The following KIFAP3 variants were observed in gnomAD, a reference collection of about 807,000 sequenced individuals.
KIFAP3 encodes kinesin-associated protein 3.
A neutral mutation model predicts 106.5 loss-of-function variants in KIFAP3; 68 were observed. The observed-to-expected ratio is 0.64, with a 90% CI of 0.53 to 0.78. The LOEUF (loss-of-function observed/expected upper bound fraction) is 0.78. Ranked by LOEUF, KIFAP3 falls within the 30% of genes least tolerant of loss-of-function variation. The pLI is 0.00. For synonymous variants in KIFAP3, 320 were observed against 311.5 expected (o/e 1.03, Z -0.29); for missense variants, 780 against 941.8 (o/e 0.83, Z 2.25).
intron 3 of KIFAP3, chr1:170,041,599 T>C (rs896117079): frequency 1.8e-6 from 2 of 1,133,552 alleles, no homozygotes; most frequent in African/African-American, 3.1e-5. Context: ...GGCCCGGAGA[T>C]GAGTCCAAGT....
At chr1:169,923,560 C>T (rs1365523161) in intron 19 of KIFAP3, among the ~76,000 whole-genome samples, 1 of 152,170 alleles carries the variant, frequency 6.6e-6, no homozygotes, top group Admixed American at 6.5e-5. Flanking sequence ...TCTTTTTTAG[C>T]AACTCCTCTG....
At chr1:169,944,082 C>T (rs539175202) in intron 19 of KIFAP3, among the ~76,000 whole-genome samples, 7 of 152,308 alleles carry the variant, frequency 4.6e-5, no homozygotes, top group African/African-American at 1.7e-4. Context: ...TGTTTGCGCC[C>T]GCTGGGCTCG....
At chr1:169,978,648 T>C (rs1666353945) in intron 15 of KIFAP3, among the ~76,000 whole-genome samples, 1 of 152,106 alleles carries the variant, frequency 6.6e-6, no homozygotes, top group Non-Finnish European at 1.5e-5. Flanking sequence ...TAATAAACCT[T>C]TAATATCATA....
intron 11 of KIFAP3, among the ~76,000 whole-genome samples, chr1:169,986,554 A>C (rs945561861): frequency 1.3e-5 from 2 of 152,008 alleles, no homozygotes; most frequent in Non-Finnish European, 1.5e-5. Context: ...AAGTAAAATA[A>C]TCTTAATTTA....
At chr1:169,987,465 C>T (rs541536034) in intron 11 of KIFAP3, among the ~76,000 whole-genome samples, 3 of 152,150 alleles carry the variant, frequency 2.0e-5, no homozygotes, top group East Asian at 1.9e-4. Flanking sequence ...CTCTACCACC[C>T]CCATCCCCTA....
chr1:170,013,887 T>G (rs1668374873), intron 10 of KIFAP3, among the ~76,000 whole-genome samples: 1 of 152,194 alleles, frequency 6.6e-6, no homozygotes, highest in South Asian at 2.1e-4. Flanking sequence ...AAGAAAAGCA[T>G]GCAATTCTCC....
At chr1:169,991,894 C>T (rs1221830763) in intron 11 of KIFAP3, among the ~76,000 whole-genome samples, 6 of 151,640 alleles carry the variant, frequency 4.0e-5, no homozygotes, top group African/African-American at 1.5e-4. Flanking sequence ...ATTACATATA[C>T]CATGTAATCT....
intron 8 of KIFAP3, 126 bp from the exon 9 acceptor site, chr1:170,024,722 T>C: frequency 2.0e-6 from 1 of 505,158 alleles, no homozygotes; most frequent in Non-Finnish European, 3.3e-6. Context: ...TTGAAAATTT[T>C]AACTGGTTAA....
intron 1 of KIFAP3, among the ~76,000 whole-genome samples, chr1:170,063,021 G>A (rs530187198): frequency 2.2e-4 from 33 of 151,848 alleles, no homozygotes; most frequent in East Asian, 9.7e-4. Context: ...TGCCTCTATC[G>A]ACTCTAAAAC....
chr1:170,061,074 G>A (rs980630340), intron 1 of KIFAP3, among the ~76,000 whole-genome samples: 2 of 152,138 alleles, frequency 1.3e-5, no homozygotes, highest in African/African-American at 4.8e-5. Context: ...AGAAAACCTA[G>A]GCAATACCAT....
At chr1:170,042,218 G>A (rs567387499) in intron 3 of KIFAP3, among the ~76,000 whole-genome samples, 3 of 152,166 alleles carry the variant, frequency 2.0e-5, no homozygotes, top group African/African-American at 7.2e-5. Context: ...CCCTTGGATT[G>A]TATCTTGCAA....
intron 1 of KIFAP3, chr1:170,068,098 CTTT>C (rs1364428515): frequency 6.6e-6 from 1 of 152,114 alleles, no homozygotes; most frequent in Non-Finnish European, 1.5e-5. Flanking sequence ...GTATTTTTTT[CTTT>C]TCTTTTTTTC....
At chr1:169,946,288 A>T (rs1664435731) in intron 19 of KIFAP3, among the ~76,000 whole-genome samples, 1 of 152,180 alleles carries the variant, frequency 6.6e-6, no homozygotes, top group Admixed American at 6.5e-5. Context: ...TGAACTAATT[A>T]CTTAATGTAT....
At chr1:169,927,508 C>T (rs1321896814) in intron 19 of KIFAP3, among the ~76,000 whole-genome samples, 3 of 152,172 alleles carry the variant, frequency 2.0e-5, no homozygotes, top group African/African-American at 7.2e-5. Flanking sequence ...GCATCTGTTA[C>T]CTCCTGACAT....
chr1:170,003,211 T>A (rs1667754379), intron 10 of KIFAP3, among the ~76,000 whole-genome samples: 1 of 152,232 alleles, frequency 6.6e-6, no homozygotes, highest in Admixed American at 6.5e-5. Context: ...GTGCTTACTT[T>A]CAATTTTTGG....
chr1:169,944,650 G>C (rs1664329874), intron 19 of KIFAP3, among the ~76,000 whole-genome samples: 1 of 152,164 alleles, frequency 6.6e-6, no homozygotes. Context: ...AGGGGAAGAG[G>C]AGCTCCATTG....
chr1:169,963,424 T>C (rs1309137015), intron 17 of KIFAP3, among the ~76,000 whole-genome samples: 1 of 152,224 alleles, frequency 6.6e-6, no homozygotes, highest in Non-Finnish European at 1.5e-5. Flanking sequence ...TGCATGTGCA[T>C]GTCTCTTTAT....
chr1:169,956,119 T>A (rs944624323), intron 18 of KIFAP3, among the ~76,000 whole-genome samples: 1 of 152,138 alleles, frequency 6.6e-6, no homozygotes, highest in Non-Finnish European at 1.5e-5. Flanking sequence ...AATCGGAGTT[T>A]AAGAAACCTG....
chr1:169,999,499 T>G (rs772686759), intron 10 of KIFAP3, among the ~76,000 whole-genome samples: 3 of 152,192 alleles, frequency 2.0e-5, no homozygotes, highest in Non-Finnish European at 4.4e-5. Flanking sequence ...AGACTGAGTA[T>G]CTTGAGAACT....
Sources: gnomAD v4.1 joint callset for allele counts (sites outside exome capture counted in the v4.1 genomes callset) on GRCh38, gnomAD v4.1.1 for gene constraint, MANE v1.5 for transcripts, NCBI Gene and HGNC (gene_info 2026-07-23, HGNC 2026-07-21) for gene names.